MTDH: variants seen among roughly 807,000 people sequenced by gnomAD.
MTDH encodes metadherin.
Under a neutral mutation model 72.7 loss-of-function variants are expected in MTDH, and 34 were observed. The observed-to-expected ratio is 0.47, with a 90% confidence interval of 0.36 to 0.62. MTDH has a LOEUF of 0.62. MTDH is among the 20% of genes least tolerant of loss of function. The probability of loss-of-function intolerance (pLI) is 0.00; values close to 1 mark genes in which losing one functional copy is unlikely to be tolerated. For missense variants in MTDH, 677 were observed against 699.4 expected, an observed-to-expected ratio of 0.97 and a Z score of 0.36; for synonymous variants, 266 against 268.9, an observed-to-expected ratio of 0.99 and a Z score of 0.10.
At chr8:97,694,252 C>T (rs1266815213) in intron 6 of MTDH, among the ~76,000 whole-genome samples, 1 of 150,900 alleles carries the variant, frequency 6.6e-6, no homozygotes, top group African/African-American at 2.4e-5. Context: ...GGCTGGAGTG[C>T]AATGGCACGA....
intron 1 of MTDH, among the ~76,000 whole-genome samples, chr8:97,647,841 G>T (rs1811623023): frequency 6.6e-6 from 1 of 151,986 alleles, no homozygotes; most frequent in African/African-American, 2.4e-5. Flanking sequence ...CACTTTGGGA[G>T]GCACTGTTGG....
Position 97,691,108 on chromosome 8 carries a change from G to T in MTDH, c.968G>T (p.Ser323Ile), listed in dbSNP as rs764851578. Reference sequence around the variant, plus strand: ...AGGAAAACTGAGCCATCTGCCTGGAGTCAAGACACTGGAGATGCTAATACA... The same window carrying T: ...AGGAAAACTGAGCCATCTGCCTGGATTCAAGACACTGGAGATGCTAATACA... ...GKRKTEPSAW[S>I]QDTGDANTNG... The change falls in exon 6 of 12, where the codon AGT (serine) becomes ATT (isoleucine). Residue 323 changes from serine (S) to isoleucine (I), a missense_variant. Physicochemically the swap from Ser to Ile is moderately radical, Grantham distance 142. This residue lies in a region of MTDH where 467 missense variants were observed against 469.1 expected (regional missense o/e 1.00). Transcript: ENST00000336273. 1 of 1,614,176 alleles carries T rather than the reference G, an allele frequency of 6.2e-7. No individual in the cohort carries two copies. The highest frequency in any genetic ancestry group is 1.1e-5 in the South Asian group (1 of 91,080).
At chr8:97,708,153 G>A (rs907759188) in intron 8 of MTDH, among the ~76,000 whole-genome samples, 2 of 147,396 alleles carry the variant, frequency 1.4e-5, no homozygotes, top group Admixed American at 6.9e-5. Context: ...CTTTTACCAT[G>A]TTGGTTTCAC....
intron 2 of MTDH, among the ~76,000 whole-genome samples, chr8:97,667,534 CTTTT>C (rs891697482): frequency 2.6e-5 from 4 of 152,096 alleles, no homozygotes; most frequent in African/African-American, 9.7e-5. Context: ...TCATATTACT[CTTTT>C]TTTGCTTGAA....
chr8:97,708,581 CTTTTTTTTTTTTTTTTTT>C (rs1174573079), intron 8 of MTDH, among the ~76,000 whole-genome samples: 6 of 30,254 alleles, frequency 2.0e-4, no homozygotes, highest in Non-Finnish European at 3.1e-4. Flanking sequence ...CATGCCAGGC[CTTTTTTTTTTTTTTTTTT>C]TTTTTTTTTT....
At chr8:97,668,143 C>G (rs926927271) in intron 2 of MTDH, among the ~76,000 whole-genome samples, 1 of 151,906 alleles carries the variant, frequency 6.6e-6, no homozygotes, top group Non-Finnish European at 1.5e-5. Context: ...AAAAACTAGC[C>G]GAGCGAGGTG....
intron 1 of MTDH, among the ~76,000 whole-genome samples, chr8:97,645,698 G>A (rs1035308946): frequency 6.6e-6 from 1 of 152,154 alleles, no homozygotes; most frequent in African/African-American, 2.4e-5. Flanking sequence ...AAGTTGCAGA[G>A]GGCATCACGT....
intron 2 of MTDH, among the ~76,000 whole-genome samples, chr8:97,677,857 A>AT (rs1217176108): frequency 6.6e-6 from 1 of 152,174 alleles, no homozygotes; most frequent in Non-Finnish European, 1.5e-5. Flanking sequence ...ACTGAATTTA[A>AT]TTATAAATGA....
intron 1 of MTDH, among the ~76,000 whole-genome samples, chr8:97,654,821 C>T (rs980046904): frequency 2.0e-5 from 3 of 152,098 alleles, no homozygotes; most frequent in African/African-American, 7.2e-5. Flanking sequence ...AGATTCTGGC[C>T]AGGCACAGTT....
At chr8:97,702,627 A>G (rs1814179725) in intron 7 of MTDH, among the ~76,000 whole-genome samples, 1 of 152,238 alleles carries the variant, frequency 6.6e-6, no homozygotes, top group South Asian at 2.1e-4. Context: ...TTTTATTAAA[A>G]AGTTATTAAA....
chr8:97,690,757 T>C (rs1483554215), intron 5 of MTDH, among the ~76,000 whole-genome samples, 195 bp from the exon 6 acceptor site: 2 of 152,236 alleles, frequency 1.3e-5, no homozygotes, highest in Non-Finnish European at 2.9e-5. Context: ...CAAGTTATTC[T>C]GCTGTGAACA....
chr8:97,648,496 T>G lies in MTDH; in HGVS notation c.381+3609T>G, dbSNP rs572536793. On this transcript the variant is annotated intron_variant, in intron 1 of 11. Coordinates refer to ENST00000336273, the MANE Select transcript of MTDH (RefSeq NM_178812.4). ...GGATTAATATCAAAGAAAATTGTCT[T>G]TTTTTTTTTTTTGAAACAGTCTTGC... is the stretch of plus-strand genomic sequence containing the variant. 8.0e-4 allele frequency among the ~76,000 whole-genome samples: 63 copies of G among 78,362 alleles called. 1 individual carries two copies. Among genetic ancestry groups the G allele is most frequent in the Non-Finnish European group, 1.0e-3 (50 of 48,820 alleles). The allele number at this position is 78,362 out of a possible 152,430, so 51.4% of individuals were successfully genotyped here.
intron 1 of MTDH, among the ~76,000 whole-genome samples, chr8:97,649,237 C>T (rs1337655374): frequency 6.6e-6 from 1 of 152,190 alleles, no homozygotes; most frequent in African/African-American, 2.4e-5. Flanking sequence ...CTTTTGTAGT[C>T]ATTACTTCTG....
intron 6 of MTDH, among the ~76,000 whole-genome samples, chr8:97,694,701 C>G (rs916633439): frequency 1.3e-5 from 2 of 151,940 alleles, no homozygotes; most frequent in Non-Finnish European, 2.9e-5. Flanking sequence ...GCTGGCAGAT[C>G]GCCTGAGCCC....
chr8:97,666,205 T>C (rs1259328841), intron 2 of MTDH, among the ~76,000 whole-genome samples: 1 of 150,606 alleles, frequency 6.6e-6, no homozygotes, highest in Non-Finnish European at 1.5e-5. Flanking sequence ...GGAAACAAAA[T>C]GTGTAAACTT....
chr8:97,686,566 T>G (rs1813372388), intron 2 of MTDH, 102 bp from the exon 3 acceptor site: 1 of 573,120 alleles, frequency 1.7e-6, no homozygotes, highest in Admixed American at 4.5e-5. Context: ...ACATTAATTT[T>G]TTTTTAGTTG....
Position 97,690,988 on chromosome 8 carries a change from G to A in MTDH, c.848G>A (p.Gly283Glu), listed in dbSNP as rs748458607. Reference protein sequence around the residue: ...SGLNENLTVNGGGWNEKSVKL... With the variant: ...SGLNENLTVNEGGWNEKSVKL... Reference sequence around the variant, plus strand: ...TTGAATGAAAACCTCACTGTCAATGGAGGAGGCTGGAATGAAAAGTCTGTA... The same window carrying A: ...TTGAATGAAAACCTCACTGTCAATGAAGGAGGCTGGAATGAAAAGTCTGTA... The change falls in exon 6 of 12, where the codon GGA (glycine) becomes GAA (glutamate). Residue 283 changes from glycine to glutamate, a missense_variant. Physicochemically the swap from Gly to Glu is moderately conservative, Grantham distance 98. Transcript: ENST00000336273. The A allele has an allele frequency of 1.9e-6, 3 of 1,613,528 alleles. No homozygotes were observed. Among genetic ancestry groups the A allele is most frequent in the Non-Finnish European group, 2.5e-6 (3 of 1,179,782 alleles).
Position 97,669,633 on chromosome 8 carries a change from C to T in MTDH, c.483+8460C>T, listed in dbSNP as rs548614335. 4.2e-3 allele frequency among the ~76,000 whole-genome samples: 633 copies of T among 152,132 alleles called. 1 individual carries two copies. Among genetic ancestry groups the T allele is most frequent in the Middle Eastern group, 0.014 (4 of 294 alleles). ...GTGAAGAAGCTCTTAAAATACTACT[C>T]CCGCCAATCACAGTGGCTCATGCCT... On this transcript the variant is annotated intron_variant, in intron 2 of 11. Coordinates refer to ENST00000336273, the MANE Select transcript of MTDH (RefSeq NM_178812.4).
chr8:97,677,462 G>A (rs1230412952), intron 2 of MTDH, among the ~76,000 whole-genome samples: 2 of 149,692 alleles, frequency 1.3e-5, no homozygotes, highest in Non-Finnish European at 3.0e-5. Context: ...CTGCACTCTA[G>A]CCTGGGCGAC....
Sources: gnomAD v4.1 joint callset for allele counts (sites outside exome capture counted in the v4.1 genomes callset) on GRCh38, gnomAD v4.1.1 for gene constraint, gnomAD v4.1.1 regional missense constraint, MANE v1.5 for transcripts, NCBI Gene and HGNC (gene_info 2026-07-23, HGNC 2026-07-21) for gene names.